Variants in CKAP5 observed in about 807,000 individuals in gnomAD.
The protein encoded by CKAP5 is cytoskeleton associated protein 5.
In CKAP5, 27 loss-of-function variants were observed where a neutral mutation model predicts 232.8. That is an observed-to-expected ratio of 0.12 (90% CI 0.09 to 0.16). The LOEUF (loss-of-function observed/expected upper bound fraction) is 0.16, where lower values mean the gene tolerates loss of function less well. Ranked by LOEUF, CKAP5 falls within the 10% of genes least tolerant of loss-of-function variation. The pLI is 1.00. For missense variants in CKAP5, 1,838 were observed against 2,424.7 expected, an observed-to-expected ratio of 0.76 and a Z score of 5.08; for synonymous variants, 785 against 841.1, an observed-to-expected ratio of 0.93 and a Z score of 1.16.
chr11:46,757,308 C>G (rs555384579), intron 35 of CKAP5, among the ~76,000 whole-genome samples: 116 of 151,062 alleles, frequency 7.7e-4, no homozygotes, highest in African/African-American at 2.7e-3. Flanking sequence ...GCCTGGTCAA[C>G]CTGGTGAAAC....
In CKAP5 at chr11:46,778,175, G is replaced by C. The variant is rs958848014; in HGVS notation, c.2712C>G (p.Ala904=). ...TTGAATCATTGAGTCGACCCTTCAA[G>C]GCAGTTGGAAGTTCACCTATATTCG... ...IQPNIGELPT[A]LKGRLNDSNK... The change falls in exon 22 of 44, where the codon GCC becomes GCG. Residue 904 remains alanine, a synonymous_variant. Transcript: ENST00000529230. The C allele has an allele frequency of 2.5e-6, 4 of 1,614,060 alleles. No individual in the cohort carries two copies. Among genetic ancestry groups the C allele is most frequent in the Non-Finnish European group, 3.4e-6 (4 of 1,179,992 alleles).
Position 46,812,082 on chromosome 11 carries a change from G to A in CKAP5, c.459-904C>T, listed in dbSNP as rs185237116. On this transcript the variant is annotated intron_variant, in intron 4 of 43. Coordinates refer to ENST00000529230, the MANE Select transcript of CKAP5 (RefSeq NM_001008938.4). Reference sequence around the variant, plus strand: ...CGCAGTGGCTCACACCTATAATCCCGGCACTTTGGGAGGCTGAGGCAGGTA... The same window carrying A: ...CGCAGTGGCTCACACCTATAATCCCAGCACTTTGGGAGGCTGAGGCAGGTA... 1.3e-4 allele frequency among the ~76,000 whole-genome samples: 20 copies of A among 152,088 alleles called. No homozygotes were observed. In the East Asian group the frequency reaches 2.3e-3, roughly 18 times the overall value.
intron 8 of CKAP5, among the ~76,000 whole-genome samples, chr11:46,803,002 G>A (rs1042753340): frequency 1.3e-5 from 2 of 152,054 alleles, no homozygotes; most frequent in East Asian, 1.9e-4. Flanking sequence ...GGTGGTTCAC[G>A]CTTGTAACCT....
intron 28 of CKAP5, among the ~76,000 whole-genome samples, chr11:46,764,680 T>C (rs1302179473): frequency 6.6e-6 from 1 of 152,212 alleles, no homozygotes; most frequent in East Asian, 1.9e-4. Flanking sequence ...GACATGCTTT[T>C]CTTACTATAC....
At chr11:46,760,506 CATG>C in intron 33 of CKAP5, 103 bp downstream of exon 33, 1 of 1,035,894 alleles carries the variant, frequency 9.7e-7, no homozygotes, top group Middle Eastern at 2.2e-4. Context: ...CTCTGTCATG[CATG>C]ATAATGGCTA....
intron 4 of CKAP5, among the ~76,000 whole-genome samples, chr11:46,811,555 C>A (rs968070662): frequency 1.3e-5 from 2 of 152,128 alleles, no homozygotes; most frequent in Admixed American, 1.3e-4. Flanking sequence ...CAGCTCACTG[C>A]AACCTCTGCC....
chr11:46,841,592 G>C (rs1940053207), intron 1 of CKAP5, among the ~76,000 whole-genome samples: 1 of 152,180 alleles, frequency 6.6e-6, no homozygotes, highest in African/African-American at 2.4e-5. Context: ...AAGAGCTGAA[G>C]CTGTGCTGTC....
intron 35 of CKAP5, 178 bp downstream of exon 35, chr11:46,758,745 G>T: frequency 6.9e-6 from 4 of 576,366 alleles, no homozygotes; most frequent in Middle Eastern, 4.7e-4. Context: ...GGCTCTATTA[G>T]AGTCACATCC....
At chr11:46,773,970 G>C (rs936663131) in intron 24 of CKAP5, among the ~76,000 whole-genome samples, 3 of 152,148 alleles carry the variant, frequency 2.0e-5, no homozygotes, top group Non-Finnish European at 2.9e-5. Flanking sequence ...ATAAGACAAG[G>C]ATGCCCTCTC....
chr11:46,794,756 A>G (rs942013153), intron 13 of CKAP5, among the ~76,000 whole-genome samples: 1 of 152,194 alleles, frequency 6.6e-6, no homozygotes, highest in Non-Finnish European at 1.5e-5. Context: ...GGATCACTTG[A>G]GCCTGGGAGT....
intron 1 of CKAP5, among the ~76,000 whole-genome samples, chr11:46,829,922 G>A (rs1437458968): frequency 6.6e-6 from 1 of 151,430 alleles, no homozygotes. Flanking sequence ...TGTGTAGGCT[G>A]ATAATGACCC....
intron 36 of CKAP5, among the ~76,000 whole-genome samples, chr11:46,753,927 A>C (rs1203025498): frequency 6.6e-6 from 1 of 151,866 alleles, no homozygotes; most frequent in Admixed American, 6.6e-5. Context: ...TATTAAAGAA[A>C]AAACAAAATC....
rs186192145 is a variant in CKAP5 at position 46,825,345 on chromosome 11, A to C, written c.-37-4077T>G. On this transcript the variant is annotated intron_variant, in intron 1 of 43. Transcript: ENST00000529230. ...GGACAGAGAGATTAAGTCATGAGTAATACTAGAGCTGGGCCTAGAACCTAT... is the reference window on the plus strand; with the variant it reads ...GGACAGAGAGATTAAGTCATGAGTACTACTAGAGCTGGGCCTAGAACCTAT... 4.7e-3 allele frequency among the ~76,000 whole-genome samples: 716 copies of C among 152,314 alleles called. 8 individuals carry two copies. The highest frequency in any genetic ancestry group is 0.017 in the Middle Eastern group (5 of 294).
At chr11:46,824,718 T>C (rs1043312819) in intron 1 of CKAP5, among the ~76,000 whole-genome samples, 1 of 152,228 alleles carries the variant, frequency 6.6e-6, no homozygotes, top group African/African-American at 2.4e-5. Context: ...TTTGGAAGTT[T>C]CTCAAAAAGT....
chr11:46,813,873 G>A (rs749251971), intron 4 of CKAP5, among the ~76,000 whole-genome samples: 17 of 151,960 alleles, frequency 1.1e-4, no homozygotes, highest in Non-Finnish European at 2.2e-4. Context: ...GGTTGCTTAT[G>A]TCTGTAATCC....
chr11:46,763,966 G>T (rs1370545370), intron 28 of CKAP5, among the ~76,000 whole-genome samples: 5 of 152,082 alleles, frequency 3.3e-5, no homozygotes, highest in Non-Finnish European at 7.4e-5. Flanking sequence ...CCCCCAAGTA[G>T]CTGGGACTAC....
chr11:46,844,453 C>A (rs931345504), intron 1 of CKAP5, among the ~76,000 whole-genome samples: 2 of 152,108 alleles, frequency 1.3e-5, no homozygotes, highest in East Asian at 3.9e-4. Flanking sequence ...ACCAAAAAAA[C>A]AGGTGCTGCT....
chr11:46,798,563 C>G (rs1174359946), intron 9 of CKAP5, among the ~76,000 whole-genome samples: 1 of 146,960 alleles, frequency 6.8e-6, no homozygotes, highest in Non-Finnish European at 1.5e-5. Flanking sequence ...CTGGGCAACA[C>G]AGCAAGACCC....
At chr11:46,745,106 C>A (rs899447976) in intron 42 of CKAP5, among the ~76,000 whole-genome samples, 1 of 152,184 alleles carries the variant, frequency 6.6e-6, no homozygotes, top group African/African-American at 2.4e-5. Context: ...AACCCTACCA[C>A]TAAGATCAAT....
Sources: allele counts gnomAD v4.1 joint callset (sites outside exome capture counted in the v4.1 genomes callset), GRCh38; gene constraint gnomAD v4.1.1; transcripts MANE v1.5; gene names NCBI Gene and HGNC (gene_info 2026-07-23, HGNC 2026-07-21).